CCDC6: variants seen among roughly 807,000 people sequenced by gnomAD.
The protein encoded by CCDC6 is coiled-coil domain containing 6.
Under a neutral mutation model 56.6 loss-of-function variants are expected in CCDC6, and 20 were observed. The observed-to-expected ratio is 0.35, with a 90% CI of 0.25 to 0.51. The LOEUF (loss-of-function observed/expected upper bound fraction) is 0.51. Ranked by LOEUF, CCDC6 falls within the 20% of genes least tolerant of loss-of-function variation. The pLI, the probability that CCDC6 is intolerant of heterozygous loss-of-function variation, is 0.95. For synonymous variants in CCDC6, 241 were observed against 234.4 expected, an observed-to-expected ratio of 1.03 and a Z score of -0.26; for missense variants, 367 against 601.1, an observed-to-expected ratio of 0.61 and a Z score of 4.07.
chr10:59,825,070 C>T (rs1417775174), intron 3 of CCDC6, among the ~76,000 whole-genome samples: 1 of 152,174 alleles, frequency 6.6e-6, no homozygotes, highest in African/African-American at 2.4e-5. Flanking sequence ...AAGCTTTTAG[C>T]ATGAATGGAA....
At chr10:59,832,235 C>A (rs897767434) in intron 3 of CCDC6, among the ~76,000 whole-genome samples, 1 of 152,244 alleles carries the variant, frequency 6.6e-6, no homozygotes. Flanking sequence ...CAAAAACATT[C>A]TTCTCCCTTT....
At chr10:59,806,733 G>T in intron 6 of CCDC6, 189 bp downstream of exon 6, 7 of 451,260 alleles carry the variant, frequency 1.6e-5, no homozygotes, top group Non-Finnish European at 2.3e-5. Context: ...TCATCTTTTT[G>T]TGTTTAAGGA....
chr10:59,847,167 C>T (rs1290377322), intron 2 of CCDC6, among the ~76,000 whole-genome samples: 4 of 152,136 alleles, frequency 2.6e-5, no homozygotes, highest in Non-Finnish European at 5.9e-5. Context: ...ATTCTCCTGC[C>T]TCAGGCTCCC....
intron 1 of CCDC6, among the ~76,000 whole-genome samples, chr10:59,892,571 T>C (rs1468030828): frequency 6.6e-6 from 1 of 152,198 alleles, no homozygotes; most frequent in Non-Finnish European, 1.5e-5. Flanking sequence ...CTTATAGGAT[T>C]ATCTAGAGCA....
At chr10:59,814,449 C>T (rs913283020) in intron 4 of CCDC6, among the ~76,000 whole-genome samples, 1 of 152,116 alleles carries the variant, frequency 6.6e-6, no homozygotes, top group Non-Finnish European at 1.5e-5. Flanking sequence ...TCTACTGGGA[C>T]AGTATGATAG....
At chr10:59,824,668 G>A (rs1022418542) in intron 3 of CCDC6, among the ~76,000 whole-genome samples, 1 of 150,920 alleles carries the variant, frequency 6.6e-6, no homozygotes, top group Non-Finnish European at 1.5e-5. Flanking sequence ...AAAAAAGAGA[G>A]GAAGAGAAAA....
chr10:59,852,433 C>A, intron 2 of CCDC6, 120 bp downstream of exon 2: 1 of 794,494 alleles, frequency 1.3e-6, no homozygotes, highest in South Asian at 2.4e-5. Flanking sequence ...TTTGAATCTC[C>A]AAAGAACTTA....
At chr10:59,888,250 T>A (rs550458454) in intron 1 of CCDC6, among the ~76,000 whole-genome samples, 4 of 152,346 alleles carry the variant, frequency 2.6e-5, no homozygotes, top group East Asian at 1.9e-4. Context: ...TCCGAGGGCA[T>A]GACTCCCCAC....
chr10:59,885,107 GAAGAA>G (rs971317233), intron 1 of CCDC6, among the ~76,000 whole-genome samples: 1 of 150,168 alleles, frequency 6.7e-6, no homozygotes, highest in Non-Finnish European at 1.5e-5. Context: ...AGGAAGGAAG[GAAGAA>G]AAGAAAAGGA....
intron 3 of CCDC6, among the ~76,000 whole-genome samples, chr10:59,823,708 T>C (rs1416769918): frequency 6.6e-6 from 1 of 152,162 alleles, no homozygotes; most frequent in East Asian, 1.9e-4. Flanking sequence ...ATCATTTCTT[T>C]CTTGTCATTA....
chr10:59,862,219 G>A (rs937094446), intron 1 of CCDC6, among the ~76,000 whole-genome samples: 11 of 151,896 alleles, frequency 7.2e-5, no homozygotes, highest in Admixed American at 1.3e-4. Flanking sequence ...CAGCATGGTG[G>A]CTCACCCCTA....
At chr10:59,817,869 T>A (rs1246419184) in intron 3 of CCDC6, among the ~76,000 whole-genome samples, 1 of 152,172 alleles carries the variant, frequency 6.6e-6, no homozygotes, top group Non-Finnish European at 1.5e-5. Context: ...CTGCCCAATG[T>A]CAAGACAGTA....
intron 1 of CCDC6, among the ~76,000 whole-genome samples, chr10:59,853,697 A>G (rs1043609923): frequency 2.0e-5 from 3 of 152,130 alleles, no homozygotes; most frequent in African/African-American, 7.2e-5. Context: ...AAGGTGGGTG[A>G]GAGGGGCTTC....
rs1014885010 is a variant in CCDC6 at position 59,791,427 on chromosome 10, T to C, written c.*1490A>G. 2 of 196,646 alleles carry C rather than the reference T, an allele frequency of 1.0e-5. No homozygotes were observed. Among genetic ancestry groups the C allele is most frequent in the Non-Finnish European group, 2.1e-5 (2 of 94,604 alleles). 12.2% of individuals were successfully genotyped at this position (196,646 alleles called of 1,614,324 possible). ...GGCAAAAATGGAGGTTTCTATACTG[T>C]ACAATATTAAATATCTACAATGTCA... On this transcript the variant is annotated 3_prime_UTR_variant, in exon 9 of 9. Transcript: ENST00000263102.
At chr10:59,845,993 G>T (rs2070988010) in intron 2 of CCDC6, among the ~76,000 whole-genome samples, 1 of 152,156 alleles carries the variant, frequency 6.6e-6, no homozygotes, top group Non-Finnish European at 1.5e-5. Context: ...TAATTTCATT[G>T]CCAACTTAGT....
At position 59,856,588 on chromosome 10, in the gene CCDC6, T is replaced by C. The variant is rs576709591; in HGVS notation, c.304-3886A>G. Among the ~76,000 whole-genome samples the C allele has an allele frequency of 2.0e-4, 30 of 152,148 alleles. No individual in the cohort carries two copies. In the East Asian group the frequency reaches 5.0e-3, roughly 25 times the overall value. On this transcript the variant is annotated intron_variant, in intron 1 of 8. Coordinates refer to ENST00000263102, the MANE Select transcript of CCDC6 (RefSeq NM_005436.5). ...TAAAACAAATTACCTTTCCAAGGTA[T>C]TTCCCCAAAATCAGCCAGCAAGGAG...
chr10:59,871,553 TGG>T (rs2071230239), intron 1 of CCDC6, among the ~76,000 whole-genome samples: 1 of 149,452 alleles, frequency 6.7e-6, no homozygotes, highest in South Asian at 2.1e-4. Flanking sequence ...CTCTGAGGGA[TGG>T]GGCCCCAAGG....
chr10:59,867,705 T>C (rs746452183), intron 1 of CCDC6, among the ~76,000 whole-genome samples: 21 of 152,248 alleles, frequency 1.4e-4, no homozygotes, highest in Middle Eastern at 6.8e-3. Flanking sequence ...AGGTGCATGA[T>C]ACAATGCCCA....
intron 1 of CCDC6, among the ~76,000 whole-genome samples, chr10:59,893,885 T>C (rs1336913665): frequency 6.6e-6 from 1 of 152,120 alleles, no homozygotes; most frequent in African/African-American, 2.4e-5. Context: ...ACCGTCCAAC[T>C]GCTGTGTTCA....
Sources: gnomAD v4.1 joint callset for allele counts (sites outside exome capture counted in the v4.1 genomes callset) on GRCh38, gnomAD v4.1.1 for gene constraint, MANE v1.5 for transcripts, NCBI Gene and HGNC (gene_info 2026-07-23, HGNC 2026-07-21) for gene names.